The following VPS37A variants were observed in gnomAD, a reference collection of about 807,000 sequenced individuals.
VPS37A encodes the protein vacuolar protein sorting-associated protein 37A.
VPS37A carries 30 observed loss-of-function variants against 49.8 expected under a neutral mutation model. The observed-to-expected ratio is 0.60, with a 90% CI of 0.45 to 0.82. The LOEUF (loss-of-function observed/expected upper bound fraction) is 0.82. Among genes scored for constraint, VPS37A ranks in the 40% least tolerant of loss-of-function variants. The pLI, the probability that VPS37A is intolerant of heterozygous loss-of-function variation, is 0.00. For synonymous variants in VPS37A, 195 were observed against 160.6 expected (o/e 1.21, Z -1.62); for missense variants, 593 against 464.4 (o/e 1.28, Z -2.55).
the VPS37A span, among the ~76,000 whole-genome samples, chr8:17,317,179 T>C: frequency 6.6e-6 from 1 of 152,220 alleles, no homozygotes; most frequent in African/African-American, 2.4e-5. Context: ...TGAGCTTTCC[T>C]CAGTTTTCTG....
At chr8:17,287,491 A>G (rs1342292758) in intron 11 of VPS37A, among the ~76,000 whole-genome samples, 2 of 152,046 alleles carry the variant, frequency 1.3e-5, no homozygotes, top group Non-Finnish European at 1.5e-5. Flanking sequence ...TGGCTAACAC[A>G]GTGAAACCCC....
chr8:17,282,463 T>A (rs548142524), intron 9 of VPS37A, among the ~76,000 whole-genome samples: 4 of 151,980 alleles, frequency 2.6e-5, no homozygotes, highest in African/African-American at 7.2e-5. Flanking sequence ...AAAACAGATA[T>A]GAGCATAAAG....
downstream of VPS37A, chr8:17,304,339 G>C (rs1262749142): frequency 1.3e-6 from 2 of 1,596,072 alleles, no homozygotes; most frequent in Non-Finnish European, 1.7e-6. Flanking sequence ...CAGAATCCAA[G>C]TTCATACCAT....
At chr8:17,264,642 A>G (rs1023625411) in intron 1 of VPS37A, among the ~76,000 whole-genome samples, 10 of 152,220 alleles carry the variant, frequency 6.6e-5, no homozygotes, top group Non-Finnish European at 1.5e-4. Flanking sequence ...CAAAGGACCA[A>G]AAACAGGGAA....
chr8:17,326,487 A>G, the VPS37A span: 2 of 152,238 alleles, frequency 1.3e-5, no homozygotes, highest in African/African-American at 4.8e-5. Flanking sequence ...CTTGTCTTAC[A>G]TCAGAATCAC....
the VPS37A span, among the ~76,000 whole-genome samples, chr8:17,320,308 G>A: frequency 1.6e-3 from 248 of 152,188 alleles, 1 homozygote; most frequent in Non-Finnish European, 2.8e-3. Context: ...AAACATTTTT[G>A]CACATGTACC....
At chr8:17,269,438 A>G (rs1229824380) in intron 4 of VPS37A, among the ~76,000 whole-genome samples, 1 of 152,018 alleles carries the variant, frequency 6.6e-6, no homozygotes, top group African/African-American at 2.4e-5. Context: ...TACATTTTGT[A>G]TTTGGTTTGG....
rs149826476 is a variant in VPS37A, at chr8:17,282,800, C to G, written c.970-1673C>G. ...ATTCCTAGGCTTCTTTCTAGATGTT[C>G]TCAGTCAAAATTTTCTGGGGATGAT... is the stretch of plus-strand genomic sequence containing the variant. On this transcript the variant is annotated intron_variant, in intron 9 of 11. Coordinates refer to ENST00000324849, the MANE Select transcript of VPS37A (RefSeq NM_152415.3). 4.6e-4 allele frequency among the ~76,000 whole-genome samples: 70 copies of G among 152,150 alleles called. 1 individual carries two copies. The highest frequency in any genetic ancestry group is 1.7e-3 in the African/African-American group (69 of 41,544).
Position 17,265,750 on chromosome 8 carries a change from A to G in VPS37A, c.126-157A>G, listed in dbSNP as rs1296410647. On this transcript the variant is annotated intron_variant, in intron 1 of 11. Coordinates refer to ENST00000324849, the MANE Select transcript of VPS37A (RefSeq NM_152415.3). ...TAGATGATGAGCCTTTCTAACTATG[A>G]TCATTTTCCTTCCCCTCAAGATACA... 5 of 1,526,168 alleles carry G rather than the reference A, an allele frequency of 3.3e-6. No individual in the cohort carries two copies. In the Admixed American group the frequency reaches 5.9e-5, roughly 18 times the overall value. 94.5% of individuals were successfully genotyped at this position (1,526,168 alleles called of 1,614,324 possible).
At position 17,287,549 on chromosome 8, in the gene VPS37A, G is replaced by T. The variant is rs186647970; in HGVS notation, c.*1122G>T. On this transcript the variant is annotated intron_variant, in intron 11 of 11. Transcript: ENST00000324849. Reference sequence around the variant, plus strand: ...AAATATTAGCCGGGCATGGTGGCAGGCACCTGTAGTCTCAGCTACTCGGGA... The same window carrying T: ...AAATATTAGCCGGGCATGGTGGCAGTCACCTGTAGTCTCAGCTACTCGGGA... Among the ~76,000 whole-genome samples, 975 of 151,954 alleles carry T rather than the reference G, an allele frequency of 6.4e-3. 6 individuals carry two copies. The highest frequency in any genetic ancestry group is 8.5e-3 in the Non-Finnish European group (580 of 67,964).
intron 1 of VPS37A, among the ~76,000 whole-genome samples, chr8:17,253,644 T>C (rs545135452): frequency 1.3e-5 from 2 of 152,366 alleles, no homozygotes; most frequent in Non-Finnish European, 2.9e-5. Flanking sequence ...GTATTAACTC[T>C]TTTAAATGTA....
intron 3 of VPS37A, 25 bp from the exon 4 acceptor site, chr8:17,268,831 A>T: frequency 6.9e-7 from 1 of 1,454,674 alleles, no homozygotes; most frequent in Non-Finnish European, 9.5e-7. Flanking sequence ...AAGTGATTTT[A>T]AGCGTCATGT....
At chr8:17,259,435 A>G (rs1258829410) in intron 1 of VPS37A, among the ~76,000 whole-genome samples, 1 of 152,146 alleles carries the variant, frequency 6.6e-6, no homozygotes, top group African/African-American at 2.4e-5. Flanking sequence ...GTCAGAAAAC[A>G]TACTTGATGT....
Position 17,280,236 on chromosome 8 carries a change from C to T in VPS37A, c.842-3C>T. On this transcript the variant is annotated splice_polypyrimidine_tract_variant and splice_region_variant and intron_variant, in intron 7 of 11. Transcript: ENST00000324849. ...AGAAGTAAACTAGAGATTTATCTTA[C>T]AGGAAAAAATCTCCTTTTGGAGCCC... 3.1e-6 allele frequency: 5 copies of T among 1,612,430 alleles called. No individual in the cohort carries two copies. Among genetic ancestry groups the T allele is most frequent in the Non-Finnish European group, 4.2e-6 (5 of 1,179,218 alleles).
chr8:17,262,867 C>T (rs1412394584), intron 1 of VPS37A, among the ~76,000 whole-genome samples: 1 of 151,880 alleles, frequency 6.6e-6, no homozygotes, highest in African/African-American at 2.4e-5. Context: ...TTGAGATCAT[C>T]CTGGCCAACA....
chr8:17,290,890 G>C (rs1816078083), intron 11 of VPS37A, among the ~76,000 whole-genome samples: 1 of 152,084 alleles, frequency 6.6e-6, no homozygotes, highest in South Asian at 2.1e-4. Flanking sequence ...ACTTCTTCCT[G>C]GTTGGGAGGA....
chr8:17,308,444 C>T, the VPS37A span, among the ~76,000 whole-genome samples: 1 of 152,280 alleles, frequency 6.6e-6, no homozygotes, highest in African/African-American at 2.4e-5. Context: ...CTGAAAATCA[C>T]AGAATTAGTG....
intron 1 of VPS37A, among the ~76,000 whole-genome samples, chr8:17,264,104 T>C (rs1000625607): frequency 3.9e-5 from 6 of 152,156 alleles, no homozygotes; most frequent in African/African-American, 1.4e-4. Flanking sequence ...ACAAATCTTT[T>C]AGGTGGGTAG....
downstream of VPS37A, chr8:17,301,932 T>C (rs1817144610): frequency 2.2e-5 from 10 of 456,048 alleles, no homozygotes; most frequent in East Asian, 3.4e-4. Context: ...AACCAAAAAT[T>C]TGTGGAACTG....
Sources: gnomAD v4.1 joint callset for allele counts (sites outside exome capture counted in the v4.1 genomes callset) on GRCh38, gnomAD v4.1.1 for gene constraint, MANE v1.5 for transcripts, NCBI Gene and HGNC (gene_info 2026-07-23, HGNC 2026-07-21) for gene names.